Variants in MND1 observed in about 807,000 individuals in gnomAD.
MND1 encodes the protein meiotic nuclear divisions 1.
In MND1, 28 loss-of-function variants were observed where a neutral mutation model predicts 35.1. That is an observed-to-expected ratio of 0.80 (90% CI 0.59 to 1.09). The LOEUF (loss-of-function observed/expected upper bound fraction) is 1.09. Among genes scored for constraint, MND1 ranks in the 50% least tolerant of loss-of-function variants. The pLI, the probability that MND1 is intolerant of heterozygous loss-of-function variation, is 0.00. For synonymous variants in MND1, 69 were observed against 70.5 expected, an observed-to-expected ratio of 0.98 and a Z score of 0.11; for missense variants, 213 against 239.6, an observed-to-expected ratio of 0.89 and a Z score of 0.73.
rs116453568 is a variant in MND1 at position 153,358,335 on chromosome 4, A to T, written c.128-139A>T. ...TCCTTAGGCAGTTTCATTGTTGTGC[A>T]TGTTGTTATTTTTAAGAGCTTATTA... On this transcript the variant is annotated intron_variant, in intron 3 of 7. Coordinates refer to ENST00000240488, the MANE Select transcript of MND1 (RefSeq NM_032117.4). 4.3e-3 allele frequency: 2,733 copies of T among 633,082 alleles called. 59 individuals carry two copies. In the African/African-American group the frequency reaches 0.046, roughly 11 times the overall value. 39.2% of individuals were successfully genotyped at this position (633,082 alleles called of 1,614,324 possible).
chr4:153,370,302 A>G (rs927651475), intron 4 of MND1, among the ~76,000 whole-genome samples: 1 of 151,974 alleles, frequency 6.6e-6, no homozygotes, highest in African/African-American at 2.4e-5. Context: ...GCAATTTCTC[A>G]TCCATTTAAG....
At chr4:153,399,865 T>C (rs1156267997) in intron 6 of MND1, among the ~76,000 whole-genome samples, 1 of 149,446 alleles carries the variant, frequency 6.7e-6, no homozygotes, top group East Asian at 2.0e-4. Context: ...AGAACAAACC[T>C]GAAATTTTCT....
At chr4:153,412,898 G>A (rs938408426) in intron 7 of MND1, among the ~76,000 whole-genome samples, 9 of 142,284 alleles carry the variant, frequency 6.3e-5, no homozygotes, top group African/African-American at 2.4e-4. Context: ...TCTGCCTCCC[G>A]GGTTCAAGCG....
chr4:153,390,893 G>A (rs1037832397), intron 4 of MND1, among the ~76,000 whole-genome samples: 3 of 110,290 alleles, frequency 2.7e-5, no homozygotes, highest in African/African-American at 1.1e-4. Context: ...ATATATATGT[G>A]TGTGTGTGTG....
chr4:153,344,729 G>A lies in MND1; in HGVS notation c.-9G>A, dbSNP rs1773027064. 1 of 1,594,694 alleles carries A rather than the reference G, an allele frequency of 6.3e-7. No homozygotes were observed. Among genetic ancestry groups the A allele is most frequent in the East Asian group, 2.3e-5 (1 of 43,046 alleles). ...GGGCCCGGCCAGCGGAAGCCCCTGC[G>A]CCCGCGCCATGGTAAGGACTGAGGC... On this transcript the variant is annotated 5_prime_UTR_variant, in exon 1 of 8. Coordinates refer to ENST00000240488, the MANE Select transcript of MND1 (RefSeq NM_032117.4).
chr4:153,389,625 T>C (rs2149650417), intron 4 of MND1, among the ~76,000 whole-genome samples: 1 of 152,354 alleles, frequency 6.6e-6, no homozygotes, highest in Non-Finnish European at 1.5e-5. Flanking sequence ...CCTCTCAAAG[T>C]GCTGGGATTA....
At chr4:153,357,900 CATT>C (rs1773385793) in intron 3 of MND1, among the ~76,000 whole-genome samples, 1 of 151,878 alleles carries the variant, frequency 6.6e-6, no homozygotes, top group Admixed American at 6.6e-5. Flanking sequence ...AAAAAAGAAA[CATT>C]ATTTAGAAAA....
chr4:153,402,363 A>C (rs988175579), intron 6 of MND1, among the ~76,000 whole-genome samples: 1 of 152,240 alleles, frequency 6.6e-6, no homozygotes, highest in African/African-American at 2.4e-5. Flanking sequence ...CCAGGATGAC[A>C]GTAAAAAGGT....
intron 7 of MND1, among the ~76,000 whole-genome samples, chr4:153,413,571 G>T (rs901452382): frequency 6.6e-6 from 1 of 151,850 alleles, no homozygotes; most frequent in Non-Finnish European, 1.5e-5. Flanking sequence ...TCTGCCACTC[G>T]TGGGGCTGAG....
Position 153,415,030 on chromosome 4 carries a change from A to C in MND1, c.*173A>C. 1 of 379,894 alleles carries C rather than the reference A, an allele frequency of 2.6e-6. No homozygotes were observed. The highest frequency in any genetic ancestry group is 4.8e-6 in the Non-Finnish European group (1 of 206,712). 23.5% of individuals were successfully genotyped at this position (379,894 alleles called of 1,614,324 possible). A position where few individuals can be genotyped will look rare whatever the true frequency, so the allele number is the denominator to read the frequency against. Reference sequence around the variant, plus strand: ...TCACCCCTTTTGGTAGAACAAAAGCAGGATGATAACCATATCCCCCCAGTG... The same window carrying C: ...TCACCCCTTTTGGTAGAACAAAAGCCGGATGATAACCATATCCCCCCAGTG... On this transcript the variant is annotated 3_prime_UTR_variant, in exon 8 of 8. Transcript: ENST00000240488.
At chr4:153,395,940 C>T (rs1729187354) in intron 5 of MND1, among the ~76,000 whole-genome samples, 1 of 152,000 alleles carries the variant, frequency 6.6e-6, no homozygotes, top group Non-Finnish European at 1.5e-5. Context: ...GCCCAGGCTG[C>T]CCTTGAACTC....
At chr4:153,349,182 A>G (rs1329673822) in intron 1 of MND1, among the ~76,000 whole-genome samples, 3 of 149,266 alleles carry the variant, frequency 2.0e-5, no homozygotes, top group Admixed American at 1.3e-4. Context: ...TATATATTCT[A>G]TGTACAATAT....
intron 2 of MND1, 56 bp from the exon 3 acceptor site, chr4:153,355,598 A>G (rs1054347910): frequency 3.5e-6 from 4 of 1,142,664 alleles, no homozygotes; most frequent in African/African-American, 3.1e-5. Context: ...AAATGAAAAT[A>G]TACATAGTAG....
At chr4:153,408,580 AT>A (rs1310109894) in intron 6 of MND1, among the ~76,000 whole-genome samples, 1 of 152,100 alleles carries the variant, frequency 6.6e-6, no homozygotes, top group African/African-American at 2.4e-5. Context: ...ATATAGTAAA[AT>A]TCTTATCGTT....
chr4:153,376,752 C>G (rs1728521472), intron 4 of MND1, among the ~76,000 whole-genome samples: 1 of 152,148 alleles, frequency 6.6e-6, no homozygotes, highest in Admixed American at 6.5e-5. Flanking sequence ...TTCTGACTTA[C>G]ATATTCCTTT....
At chr4:153,370,305 C>T (rs1342143350) in intron 4 of MND1, among the ~76,000 whole-genome samples, 1 of 151,926 alleles carries the variant, frequency 6.6e-6, no homozygotes, top group African/African-American at 2.4e-5. Context: ...ATTTCTCATC[C>T]ATTTAAGTAT....
intron 5 of MND1, among the ~76,000 whole-genome samples, chr4:153,396,917 G>A (rs1315991457): frequency 6.6e-6 from 1 of 151,898 alleles, no homozygotes; most frequent in Non-Finnish European, 1.5e-5. Flanking sequence ...AACATACAAC[G>A]ACATGGTCAT....
At chr4:153,402,143 AAC>A (rs1415762844) in intron 6 of MND1, among the ~76,000 whole-genome samples, 10 of 152,158 alleles carry the variant, frequency 6.6e-5, no homozygotes, top group Non-Finnish European at 2.9e-5. Context: ...GACAGAGCGA[AAC>A]AGTCTCAAAA....
chr4:153,384,478 A>G, intron 4 of MND1, among the ~76,000 whole-genome samples: 1 of 81,524 alleles, frequency 1.2e-5, no homozygotes, highest in African/African-American at 4.9e-5. Flanking sequence ...TTTTTGTCAG[A>G]GATAGGGTCT....
Sources: gnomAD v4.1 joint callset for allele counts (sites outside exome capture counted in the v4.1 genomes callset) on GRCh38, gnomAD v4.1.1 for gene constraint, MANE v1.5 for transcripts, NCBI Gene and HGNC (gene_info 2026-07-23, HGNC 2026-07-21) for gene names.